The following APOLD1 variants were observed in gnomAD, a reference collection of about 807,000 sequenced individuals.
APOLD1 encodes the protein apolipoprotein L domain-containing protein 1.
APOLD1 carries 22 observed loss-of-function variants against 15.3 expected under a neutral mutation model. The ratio of observed to expected loss-of-function variants is 1.44; its 90% confidence interval spans 1.03 to 2.05. APOLD1 has a LOEUF of 2.05. APOLD1 is among the 30% of genes most tolerant of loss of function. The probability of loss-of-function intolerance (pLI) is 0.00; values close to 1 mark genes in which losing one functional copy is unlikely to be tolerated. For missense variants in APOLD1, 394 were observed against 353.5 expected (o/e 1.11, Z -0.92); for synonymous variants, 190 against 167.4 (o/e 1.13, Z -1.04).
At chr12:12,729,027 T>C (rs1946616629) in intron 1 of APOLD1, among the ~76,000 whole-genome samples, 1 of 152,222 alleles carries the variant, frequency 6.6e-6, no homozygotes, top group Non-Finnish European at 1.5e-5. Flanking sequence ...TCCTTTGTTG[T>C]AGCAGTCTGT....
At chr12:12,750,194 G>A (rs979717594) in intron 1 of APOLD1, among the ~76,000 whole-genome samples, 1 of 152,084 alleles carries the variant, frequency 6.6e-6, no homozygotes, top group Non-Finnish European at 1.5e-5. Context: ...CCAACATGGA[G>A]AAACCCTGTC....
chr12:12,725,942 G>C, exon 1 of APOLD1: 2 of 1,357,326 alleles, frequency 1.5e-6, no homozygotes, highest in East Asian at 2.8e-5. Flanking sequence ...GGGGGTGCGC[G>C]GGGCGGTCAG....
intron 1 of APOLD1, among the ~76,000 whole-genome samples, chr12:12,755,134 G>T (rs1037953472): frequency 6.6e-6 from 1 of 152,114 alleles, no homozygotes; most frequent in African/African-American, 2.4e-5. Context: ...AGAATAGGGA[G>T]CTCAGAAACA....
chr12:12,739,978 G>C (rs1016154530), intron 1 of APOLD1, among the ~76,000 whole-genome samples: 3 of 128,592 alleles, frequency 2.3e-5, no homozygotes, highest in African/African-American at 8.5e-5. Flanking sequence ...TGCCACATCC[G>C]GCTAATTTTT....
intron 1 of APOLD1, among the ~76,000 whole-genome samples, chr12:12,750,405 G>GA (rs1227924083): frequency 6.8e-6 from 1 of 147,902 alleles, no homozygotes; most frequent in Non-Finnish European, 1.5e-5. Flanking sequence ...GGAAATTGGG[G>GA]AAGATACATT....
intron 1 of APOLD1, among the ~76,000 whole-genome samples, chr12:12,739,288 C>G (rs77225656): frequency 0.015 from 2,259 of 152,284 alleles, 52 homozygotes; most frequent in African/African-American, 0.052. Context: ...ATTCTGCTAT[C>G]GTCAAGTGGC....
chr12:12,781,992 C>G (rs1364482753), upstream of APOLD1, among the ~76,000 whole-genome samples: 1 of 151,706 alleles, frequency 6.6e-6, no homozygotes, highest in Non-Finnish European at 1.5e-5. Flanking sequence ...GCCATGGTGG[C>G]TCACGCCTGT....
intron 1 of APOLD1, among the ~76,000 whole-genome samples, chr12:12,755,253 TG>T (rs1248614806): frequency 6.6e-6 from 1 of 152,064 alleles, no homozygotes; most frequent in Non-Finnish European, 1.5e-5. Flanking sequence ...TTATATATAA[TG>T]AGATCCCTAG....
In APOLD1 at chr12:12,780,428, G is replaced by A. The variant is rs576623704; in HGVS notation, c.97-6481G>A. Among the ~76,000 whole-genome samples, 13 of 151,614 alleles carry A rather than the reference G, an allele frequency of 8.6e-5. No individual in the cohort carries two copies. The East Asian group carries it at 2.5e-3, about 30-fold the overall frequency. On this transcript the variant is annotated intron_variant, in intron 1 of 1. Coordinates refer to the APOLD1 transcript ENST00000326765. ...ACCGAGGCGCCTGCCTCAGCCTCCC[G>A]AAGTGCTGGGATTACAGGCATAAGC...
intron 1 of APOLD1, among the ~76,000 whole-genome samples, chr12:12,748,842 G>A (rs996411944): frequency 6.6e-6 from 1 of 152,068 alleles, no homozygotes; most frequent in African/African-American, 2.4e-5. Flanking sequence ...TGAATATCTG[G>A]GTAAGAAAGA....
chr12:12,745,608 A>G lies in APOLD1; in HGVS notation c.96+19512A>G, dbSNP rs542535701. ...TTGAGCAAAGAAAGAAACCCAAAGA[A>G]TATTTTAATGGAAAGCTTCCTATAT... On this transcript the variant is annotated intron_variant, in intron 1 of 1. Coordinates refer to the APOLD1 transcript ENST00000326765. 8.5e-5 allele frequency among the ~76,000 whole-genome samples: 13 copies of G among 152,250 alleles called. No homozygotes were observed. The East Asian group carries it at 2.5e-3, about 29-fold the overall frequency.
At chr12:12,730,634 T>C (rs1355423666) in intron 1 of APOLD1, among the ~76,000 whole-genome samples, 7 of 138,452 alleles carry the variant, frequency 5.1e-5, no homozygotes, top group African/African-American at 2.0e-4. Context: ...TGAGCTGAGA[T>C]CATGCCATTG....
At chr12:12,775,575 T>A (rs947252559) in intron 1 of APOLD1, among the ~76,000 whole-genome samples, 3 of 152,224 alleles carry the variant, frequency 2.0e-5, no homozygotes, top group Admixed American at 1.3e-4. Context: ...CTCAATTTTG[T>A]TGCAAATCTA....
rs1053002266 is a variant in APOLD1 at position 12,789,740 on chromosome 12, T to C, written c.*2088T>C. 1 of 152,230 alleles carries C rather than the reference T, an allele frequency of 6.6e-6. No individual in the cohort carries two copies. The highest frequency in any genetic ancestry group is 1.5e-5 in the Non-Finnish European group (1 of 68,042). 9.4% of individuals were successfully genotyped at this position (152,230 alleles called of 1,614,324 possible). A position where few individuals can be genotyped will look rare whatever the true frequency, so the allele number is the denominator to read the frequency against. On this transcript the variant is annotated 3_prime_UTR_variant, in exon 2 of 2. Coordinates refer to ENST00000356591, the MANE Select transcript of APOLD1 (RefSeq NM_030817.3). ...ATAAGTTGAAAAGTCTTTGGGACCA[T>C]ACATGCAAAAACGGTGCCTCTGTTA...
chr12:12,758,389 A>G (rs1263259448), intron 1 of APOLD1, among the ~76,000 whole-genome samples: 1 of 152,034 alleles, frequency 6.6e-6, no homozygotes, highest in African/African-American at 2.4e-5. Context: ...TACTAAAAAT[A>G]CAAAAATTAC....
chr12:12,787,059 T>C lies in APOLD1; in HGVS notation c.154T>C (p.Ser52Pro). ...GCGCCTGGAGCGCCTGCGCAGGCGC[T>C]CCCTCGTAGCCAACGTGGCCGGCAG... Reference protein sequence around the residue: ...ARRLERLRRRSLVANVAGSSL... With the variant: ...ARRLERLRRRPLVANVAGSSL... The change falls in exon 2 of 2, where the codon TCC becomes CCC. Residue 52 changes from serine to proline, a missense_variant. By Grantham distance (74) the Ser-to-Pro change is moderately conservative. Transcript: ENST00000356591. This position sits in a 1 kb window ranked among gnomAD's most constrained non-coding sequence, Gnocchi z 4.9. 1.5e-6 allele frequency: 2 copies of C among 1,375,942 alleles called. No homozygotes were observed. The highest frequency in any genetic ancestry group is 3.4e-5 in the South Asian group (2 of 59,258). The allele number at this position is 1,375,942 out of a possible 1,614,324, so 85.2% of individuals were successfully genotyped here.
In APOLD1 at chr12:12,787,409, C is replaced by A; in HGVS notation, c.504C>A (p.Tyr168Ter). The A allele has an allele frequency of 6.8e-6, 11 of 1,614,210 alleles. No homozygotes were observed. The highest frequency in any genetic ancestry group is 9.3e-6 in the Non-Finnish European group (11 of 1,180,028). The change falls in exon 2 of 2, where the codon TAC becomes TAA. Residue 168 changes from tyrosine to a stop codon, truncating the protein, a stop_gained. Transcript: ENST00000356591. LOFTEE classifies it high-confidence loss of function. This position sits in a 1 kb window ranked among gnomAD's most constrained non-coding sequence, Gnocchi z 4.9. ...CCATCGCCCTGTACAATTCTGTCTACTTCATCGTCTTCTTTGGCTCACGTG... is the reference window on the plus strand; with the variant it reads ...CCATCGCCCTGTACAATTCTGTCTAATTCATCGTCTTCTTTGGCTCACGTG... The part of the protein sequence containing the change: ...NASIALYNSV[Y>*]FIVFFGSRGF...
intron 1 of APOLD1, among the ~76,000 whole-genome samples, chr12:12,772,448 A>G (rs1946996161): frequency 6.6e-6 from 1 of 152,266 alleles, no homozygotes; most frequent in African/African-American, 2.4e-5. Flanking sequence ...TCCTTTACCC[A>G]GTGTATGCAC....
intron 1 of APOLD1, among the ~76,000 whole-genome samples, chr12:12,744,524 G>A (rs183366986): frequency 1.3e-4 from 20 of 152,164 alleles, no homozygotes; most frequent in East Asian, 9.7e-4. Context: ...CAGGAGAATC[G>A]CTTGAACCTG....
Sources: gnomAD v4.1 joint callset for allele counts (sites outside exome capture counted in the v4.1 genomes callset) on GRCh38, gnomAD v4.1.1 for gene constraint, Gnocchi (gnomAD v3.1) non-coding constraint, MANE v1.5 for transcripts, NCBI Gene and HGNC (gene_info 2026-07-23, HGNC 2026-07-21) for gene names.